NFAT5: variants seen among roughly 807,000 people sequenced by gnomAD.
The protein encoded by NFAT5 is nuclear factor of activated T cells 5, also known as nuclear factor of activated T-cells 5.
In NFAT5, 31 loss-of-function variants were observed where a neutral mutation model predicts 166.5. The ratio of observed to expected loss-of-function variants is 0.19; its 90% CI spans 0.14 to 0.25. The LOEUF is 0.25. NFAT5 is among the 10% of genes least tolerant of loss of function. The pLI is 1.00. For missense variants in NFAT5, 1,449 were observed against 1,821.8 expected, an observed-to-expected ratio of 0.80 and a Z score of 3.72; for synonymous variants, 612 against 639.7, an observed-to-expected ratio of 0.96 and a Z score of 0.65.
chr16:69,661,987 C>T (rs1361732518), intron 7 of NFAT5, among the ~76,000 whole-genome samples: 1 of 152,078 alleles, frequency 6.6e-6, no homozygotes, highest in East Asian at 1.9e-4. Context: ...CTTTGGGAGG[C>T]CAAGGCAGGG....
intron 3 of NFAT5, among the ~76,000 whole-genome samples, chr16:69,642,277 G>A (rs571569938): frequency 1.3e-5 from 2 of 152,234 alleles, no homozygotes; most frequent in Admixed American, 6.5e-5. Context: ...GAAGCTGTAT[G>A]TACAATTCAA....
At chr16:69,638,086 G>T (rs1334613303) in intron 3 of NFAT5, among the ~76,000 whole-genome samples, 1 of 152,080 alleles carries the variant, frequency 6.6e-6, no homozygotes, top group Non-Finnish European at 1.5e-5. Flanking sequence ...GGGCATGGTG[G>T]CAGGCACCTA....
At chr16:69,600,760 GAA>G (rs34206965) in intron 2 of NFAT5, among the ~76,000 whole-genome samples, 4 of 101,360 alleles carry the variant, frequency 3.9e-5, no homozygotes, top group African/African-American at 1.1e-4. Flanking sequence ...GGAATACTTT[GAA>G]AAAAAAAAAA....
At chr16:69,619,259 T>A (rs914268532) in intron 2 of NFAT5, among the ~76,000 whole-genome samples, 1 of 152,224 alleles carries the variant, frequency 6.6e-6, no homozygotes, top group Admixed American at 6.5e-5. Context: ...CTTAGACTTC[T>A]TTTCAAGAGA....
At chr16:69,582,636 C>G (rs569435755) in intron 2 of NFAT5, among the ~76,000 whole-genome samples, 2 of 147,078 alleles carry the variant, frequency 1.4e-5, no homozygotes, top group African/African-American at 5.0e-5. Flanking sequence ...ATTGAATGGT[C>G]TTGGCACTCT....
intron 2 of NFAT5, among the ~76,000 whole-genome samples, chr16:69,613,113 A>G (rs1025838922): frequency 1.3e-5 from 2 of 152,136 alleles, no homozygotes; most frequent in Non-Finnish European, 2.9e-5. Context: ...CCAGAGTTCT[A>G]TGTGCTACTT....
intron 3 of NFAT5, among the ~76,000 whole-genome samples, chr16:69,635,734 C>T (rs1317709421): frequency 6.6e-6 from 1 of 152,174 alleles, no homozygotes; most frequent in Non-Finnish European, 1.5e-5. Context: ...GACATATTAA[C>T]TATCACAAGA....
chr16:69,618,099 G>C (rs978084551), intron 2 of NFAT5, among the ~76,000 whole-genome samples: 1 of 151,326 alleles, frequency 6.6e-6, no homozygotes, highest in South Asian at 2.1e-4. Flanking sequence ...TGGAGGTTGC[G>C]GTGAGCTGAG....
chr16:69,701,757 T>A lies in NFAT5; in HGVS notation c.*5406T>A, dbSNP rs1293425846. On this transcript the variant is annotated 3_prime_UTR_variant, in exon 15 of 15. Coordinates refer to ENST00000349945, the MANE Select transcript of NFAT5 (RefSeq NM_138713.4). ...CTGATGTTAATTAGATGGAAATAAA[T>A]CACTAAAACATAGTTTAGGTAAAGC... 1 of 152,224 alleles carries A rather than the reference T, an allele frequency of 6.6e-6. No individual in the cohort carries two copies. Among genetic ancestry groups the A allele is most frequent in the Non-Finnish European group, 1.5e-5 (1 of 68,046 alleles). 9.4% of individuals were successfully genotyped at this position (152,224 alleles called of 1,614,324 possible). A position where few individuals can be genotyped will look rare whatever the true frequency, so the allele number is the denominator to read the frequency against.
chr16:69,615,821 T>A (rs185323171), intron 2 of NFAT5, among the ~76,000 whole-genome samples: 5 of 152,292 alleles, frequency 3.3e-5, no homozygotes, highest in Admixed American at 3.3e-4. Flanking sequence ...TACTGCCTCC[T>A]GCTTTCTGAC....
intron 7 of NFAT5, among the ~76,000 whole-genome samples, chr16:69,660,835 A>G (rs1331782164): frequency 1.4e-5 from 2 of 147,118 alleles, no homozygotes; most frequent in East Asian, 4.0e-4. Context: ...TTTGAGATGG[A>G]GTTTCGCTTG....
Position 69,659,801 on chromosome 16 carries a change from A to G in NFAT5, c.1271A>G (p.Lys424Arg). ...AGAATAGGAATTGCTGGTTCCAAGAAGAAAAGCACTCGTGCCAGATTGGTT... is the reference window on the plus strand; with the variant it reads ...AGAATAGGAATTGCTGGTTCCAAGAGGAAAAGCACTCGTGCCAGATTGGTT... ...EARIGIAGSK[K>R]KSTRARLVFR... Residue 424 changes from lysine to arginine, a missense_variant, in exon 7 of 15, where the codon AAG becomes AGG. Physicochemically the swap from Lys to Arg is conservative, Grantham distance 26. Around this residue, in one of 7 missense-constraint regions of NFAT5, gnomAD observed 245 missense variants for 366.6 expected, o/e 0.67. Coordinates refer to ENST00000349945, the MANE Select transcript of NFAT5 (RefSeq NM_138713.4). The G allele has an allele frequency of 6.2e-7, 1 of 1,614,160 alleles. No homozygotes were observed. Among genetic ancestry groups the G allele is most frequent in the Non-Finnish European group, 8.5e-7 (1 of 1,180,006 alleles).
intron 7 of NFAT5, among the ~76,000 whole-genome samples, chr16:69,667,105 A>AGG (rs1199486233): frequency 1.4e-5 from 2 of 144,198 alleles, no homozygotes; most frequent in East Asian, 4.1e-4. Context: ...TCTCACTCAT[A>AGG]GGTGGGAATT....
At chr16:69,583,804 A>G (rs2031856291) in intron 2 of NFAT5, among the ~76,000 whole-genome samples, 1 of 152,236 alleles carries the variant, frequency 6.6e-6, no homozygotes, top group Non-Finnish European at 1.5e-5. Context: ...TACATCCAGA[A>G]AAGAAGGAAG....
chr16:69,690,306 C>T (rs1400860938), intron 11 of NFAT5, among the ~76,000 whole-genome samples: 2 of 151,876 alleles, frequency 1.3e-5, no homozygotes, highest in African/African-American at 2.4e-5. Context: ...CTAAAATAGC[C>T]CTTATTTCTG....
chr16:69,635,909 A>G (rs2034945364), intron 3 of NFAT5, among the ~76,000 whole-genome samples: 1 of 152,092 alleles, frequency 6.6e-6, no homozygotes, highest in South Asian at 2.1e-4. Flanking sequence ...TGCCTTCCCA[A>G]CAGTCCCCCA....
chr16:69,618,151 T>TC (rs2034041846), intron 2 of NFAT5, among the ~76,000 whole-genome samples: 1 of 133,306 alleles, frequency 7.5e-6, no homozygotes, highest in Non-Finnish European at 1.6e-5. Context: ...ACAGCGAAAC[T>TC]CCATCTCAAA....
In NFAT5 at chr16:69,653,454, T is replaced by C. The variant is rs759840029; in HGVS notation, c.1005+26T>C. ...GTATTTACTTTATTTATCATTTGAA[T>C]TTTAGTTAAAATGTAAAGGGGAATG... is the stretch of plus-strand genomic sequence containing the variant. On this transcript the variant is annotated intron_variant, in intron 5 of 14. Coordinates refer to ENST00000349945, the MANE Select transcript of NFAT5 (RefSeq NM_138713.4). The C allele has an allele frequency of 1.5e-5, 20 of 1,376,602 alleles. No individual in the cohort carries two copies. The East Asian group carries it at 4.3e-4, about 30-fold the overall frequency. The allele number at this position is 1,376,602 out of a possible 1,614,324, so 85.3% of individuals were successfully genotyped here. A position where few individuals can be genotyped will look rare whatever the true frequency, so the allele number is the denominator to read the frequency against.
chr16:69,601,958 C>T (rs897219994), intron 2 of NFAT5, among the ~76,000 whole-genome samples: 1 of 152,142 alleles, frequency 6.6e-6, no homozygotes, highest in East Asian at 1.9e-4. Context: ...TTAGATAAGA[C>T]CACCCCCAAA....
Sources: gnomAD v4.1 joint callset for allele counts (sites outside exome capture counted in the v4.1 genomes callset) on GRCh38, gnomAD v4.1.1 for gene constraint, gnomAD v4.1.1 regional missense constraint, MANE v1.5 for transcripts, NCBI Gene and HGNC (gene_info 2026-07-23, HGNC 2026-07-21) for gene names.